USP6NL: variants seen among roughly 807,000 people sequenced by gnomAD.
USP6NL encodes USP6 N-terminal like, also known as USP6 N-terminal-like protein.
USP6NL carries 26 observed loss-of-function variants against 61.9 expected under a neutral mutation model. The ratio of observed to expected loss-of-function variants is 0.42; its 90% CI spans 0.31 to 0.58. USP6NL has a LOEUF of 0.58. Ranked by LOEUF, USP6NL falls within the 20% of genes least tolerant of loss-of-function variation. The probability of loss-of-function intolerance (pLI) is 0.16; values close to 1 mark genes in which losing one functional copy is unlikely to be tolerated. For synonymous variants in USP6NL, 432 were observed against 390.1 expected (o/e 1.11, Z -1.27); for missense variants, 1,114 against 1,034.3 (o/e 1.08, Z -1.06).
At chr10:11,577,558 T>G (rs900424695) in intron 2 of USP6NL, among the ~76,000 whole-genome samples, 2 of 152,088 alleles carry the variant, frequency 1.3e-5, no homozygotes, top group African/African-American at 4.8e-5. Context: ...CGGAGTGCAA[T>G]GGCGCAATCT....
intron 13 of USP6NL, 66 bp downstream of exon 13, chr10:11,484,904 AT>A (rs1365129988): frequency 8.0e-7 from 1 of 1,243,426 alleles, no homozygotes; most frequent in African/African-American, 1.5e-5. Context: ...TGGGTGGGGA[AT>A]GAGAAATCAA....
At chr10:11,599,369 G>C (rs1426217499) in intron 1 of USP6NL, among the ~76,000 whole-genome samples, 1 of 152,120 alleles carries the variant, frequency 6.6e-6, no homozygotes, top group Non-Finnish European at 1.5e-5. Context: ...CTCCTAAATG[G>C]TAACATTAAA....
intron 2 of USP6NL, among the ~76,000 whole-genome samples, chr10:11,580,116 T>A (rs138042930): frequency 6.8e-6 from 1 of 147,822 alleles, no homozygotes; most frequent in African/African-American, 2.5e-5. Flanking sequence ...CAAAAGTCAA[T>A]AGTGATGAGT....
At position 11,510,551 on chromosome 10, in the gene USP6NL, T is replaced by C. The variant is rs538165135; in HGVS notation, c.196-876A>G. 5.8e-4 allele frequency among the ~76,000 whole-genome samples: 89 copies of C among 152,212 alleles called. No homozygotes were observed. Among genetic ancestry groups the C allele is most frequent in the African/African-American group, 2.1e-3 (87 of 41,546 alleles). ...GAAATTCAGGGGCAAGGCTGCGGAA[T>C]GGGGAAAGTGAGACGGAAAATGCTC... On this transcript the variant is annotated intron_variant, in intron 5 of 14. Transcript: ENST00000609104. The surrounding 1 kb of genome is among the most constrained non-coding windows in gnomAD (Gnocchi z 4.8).
rs748928089 is a variant in USP6NL at position 11,462,803 on chromosome 10, C to T, written c.2125G>A (p.Gly709Arg). The T allele has an allele frequency of 2.5e-6, 4 of 1,613,802 alleles. No individual in the cohort carries two copies. Among genetic ancestry groups the T allele is most frequent in the Middle Eastern group, 3.3e-4 (2 of 6,084 alleles). The change falls in exon 15 of 15, where the codon GGA becomes AGA. Residue 709 changes from glycine to arginine, a missense_variant. Coordinates refer to ENST00000609104, the MANE Select transcript of USP6NL (RefSeq NM_014688.5). ...EVLPVDTGAGGYSGNSGSPKN... is the reference protein window; with the variant it reads ...EVLPVDTGAGRYSGNSGSPKN... ...GGTGACCCTGAATTGCCCGAATATCCCCCAGCACCAGTGTCAACAGGGAGG... is the reference window on the plus strand; with the variant it reads ...GGTGACCCTGAATTGCCCGAATATCTCCCAGCACCAGTGTCAACAGGGAGG...
Position 11,597,944 on chromosome 10 carries a change from T to C in USP6NL, c.-83-227A>G, listed in dbSNP as rs1011736992. On this transcript the variant is annotated intron_variant, in intron 1 of 14. Transcript: ENST00000609104. This position sits in a 1 kb window ranked among gnomAD's most constrained non-coding sequence, Gnocchi z 4.6. Reference sequence around the variant, plus strand: ...AGTTACTTCAAATTTAAGTGATATGTAGTAAGTAATCACCACATAGAAACT... The same window carrying C: ...AGTTACTTCAAATTTAAGTGATATGCAGTAAGTAATCACCACATAGAAACT... Among the ~76,000 whole-genome samples the C allele has an allele frequency of 2.0e-5, 3 of 152,250 alleles. No homozygotes were observed. Among genetic ancestry groups the C allele is most frequent in the Non-Finnish European group, 4.4e-5 (3 of 68,042 alleles).
rs1775147237 is a variant in USP6NL, at chr10:11,499,515, G to C, written c.384+1586C>G. ...GACTGTGACCTCATCTGGAAATGGG[G>C]CCTCTGCCGGGGTAATCAAGTTAGG... On this transcript the variant is annotated intron_variant, in intron 7 of 14. Coordinates refer to ENST00000609104, the MANE Select transcript of USP6NL (RefSeq NM_014688.5). This position sits in a 1 kb window ranked among gnomAD's most constrained non-coding sequence, Gnocchi z 4.5. Among the ~76,000 whole-genome samples the C allele has an allele frequency of 6.6e-6, 1 of 152,198 alleles. No individual in the cohort carries two copies. Among genetic ancestry groups the C allele is most frequent in the Non-Finnish European group, 1.5e-5 (1 of 68,040 alleles).
At chr10:11,464,748 T>C (rs1469533301) in intron 14 of USP6NL, among the ~76,000 whole-genome samples, 1 of 152,226 alleles carries the variant, frequency 6.6e-6, no homozygotes, top group Non-Finnish European at 1.5e-5. Context: ...AGAACCCACG[T>C]TGTTCTTATA....
chr10:11,488,559 A>G lies in USP6NL; in HGVS notation c.664+543T>C, dbSNP rs549065093. ...AATCGAGTGCCTAGAACACGTTATC[A>G]ACCTTTTATTTAAAGTGGAACCAAT... On this transcript the variant is annotated intron_variant, in intron 10 of 14. Transcript: ENST00000609104. Among the ~76,000 whole-genome samples the G allele has an allele frequency of 1.3e-5, 2 of 152,372 alleles. 1 individual carries two copies. The highest frequency in any genetic ancestry group is 4.8e-5 in the African/African-American group (2 of 41,582).
At chr10:11,538,687 TTATA>T (rs1835932957) in intron 2 of USP6NL, among the ~76,000 whole-genome samples, 1 of 152,234 alleles carries the variant, frequency 6.6e-6, no homozygotes, top group Non-Finnish European at 1.5e-5. Flanking sequence ...TAGCTTTCTC[TTATA>T]TATTTATTCC....
intron 2 of USP6NL, among the ~76,000 whole-genome samples, chr10:11,558,907 G>T (rs1331477638): frequency 6.6e-6 from 1 of 152,036 alleles, no homozygotes; most frequent in East Asian, 1.9e-4. Flanking sequence ...TACATATTTG[G>T]TAATTGCCTA....
At chr10:11,567,260 C>T (rs1483772115) in intron 2 of USP6NL, among the ~76,000 whole-genome samples, 2 of 152,118 alleles carry the variant, frequency 1.3e-5, no homozygotes, top group African/African-American at 2.4e-5. Context: ...CAAAGAAAAC[C>T]TTTCAAGGTC....
chr10:11,472,313 T>C (rs1173906750), intron 14 of USP6NL, among the ~76,000 whole-genome samples: 1 of 152,254 alleles, frequency 6.6e-6, no homozygotes, highest in African/African-American at 2.4e-5. Flanking sequence ...CTGCTTGATC[T>C]TACTCTGGTC....
rs1358790049 is a variant in USP6NL, at chr10:11,560,084, AT to A, written c.5-32518del. On this transcript the variant is annotated intron_variant, in intron 2 of 14. Transcript: ENST00000609104. ...CAAGTTTTCTACACTGAGAATAATAATTCCATAAAAATAAAATAATAAAGTC... is the reference window on the plus strand; with the variant it reads ...CAAGTTTTCTACACTGAGAATAATAATCCATAAAAATAAAATAATAAAGTC... Among the ~76,000 whole-genome samples the A allele has an allele frequency of 2.0e-5, 3 of 152,204 alleles. No homozygotes were observed. In the East Asian group the frequency reaches 5.8e-4, roughly 29 times the overall value.
intron 7 of USP6NL, among the ~76,000 whole-genome samples, chr10:11,494,868 G>A (rs1219986214): frequency 1.3e-5 from 2 of 152,148 alleles, no homozygotes; most frequent in Non-Finnish European, 2.9e-5. Flanking sequence ...CGGACTAGGA[G>A]CATGACCACC....
chr10:11,579,089 C>A (rs1837652689), intron 2 of USP6NL, among the ~76,000 whole-genome samples: 1 of 152,178 alleles, frequency 6.6e-6, no homozygotes, highest in Admixed American at 6.5e-5. Flanking sequence ...GTAATACTTA[C>A]ATTCATTCAA....
At chr10:11,486,064 T>A (rs1312905002) in intron 10 of USP6NL, among the ~76,000 whole-genome samples, 153 bp from the exon 11 acceptor site, 1 of 151,934 alleles carries the variant, frequency 6.6e-6, no homozygotes, top group Non-Finnish European at 1.5e-5. Context: ...AGGAAAAAAC[T>A]GTATATAAGC....
At chr10:11,563,242 G>GA (rs1211624138) in intron 2 of USP6NL, 2 of 152,126 alleles carry the variant, frequency 1.3e-5, no homozygotes, top group African/African-American at 4.8e-5. Flanking sequence ...TAGAGATGGA[G>GA]AACAAATTCA....
intron 7 of USP6NL, among the ~76,000 whole-genome samples, chr10:11,498,957 G>A (rs1016100780): frequency 2.6e-5 from 4 of 152,136 alleles, no homozygotes; most frequent in Non-Finnish European, 5.9e-5. Flanking sequence ...AAAGATTCTT[G>A]CCACTGTACC....
Sources: gnomAD v4.1 joint callset for allele counts (sites outside exome capture counted in the v4.1 genomes callset) on GRCh38, gnomAD v4.1.1 for gene constraint, Gnocchi (gnomAD v3.1) non-coding constraint, MANE v1.5 for transcripts, NCBI Gene and HGNC (gene_info 2026-07-23, HGNC 2026-07-21) for gene names.